Variants in FARP1 observed in about 807,000 individuals in gnomAD.
The protein encoded by FARP1 is FERM, ARHGEF and pleckstrin domain-containing protein 1.
A neutral mutation model predicts 128.8 loss-of-function variants in FARP1; 52 were observed. That is an observed-to-expected ratio of 0.40 (90% CI 0.32 to 0.51). FARP1 has a LOEUF of 0.51. FARP1 is among the 20% of genes least tolerant of loss of function. The pLI is 0.45. For missense variants in FARP1, 1,333 were observed against 1,367.9 expected (o/e 0.97, Z 0.40); for synonymous variants, 580 against 551.8 (o/e 1.05, Z -0.72).
chr13:98,261,966 C>G (rs1378024549), intron 2 of FARP1, among the ~76,000 whole-genome samples: 1 of 152,054 alleles, frequency 6.6e-6, no homozygotes, highest in Non-Finnish European at 1.5e-5. Context: ...TAACTGCCCT[C>G]CTTGTGCTAG....
At chr13:98,364,731 G>T (rs1889012874) in intron 3 of FARP1, among the ~76,000 whole-genome samples, 1 of 152,198 alleles carries the variant, frequency 6.6e-6, no homozygotes, top group African/African-American at 2.4e-5. Flanking sequence ...TCCTTGAAAA[G>T]TTCGCTATCC....
chr13:98,144,505 C>T (rs1379208331), intron 1 of FARP1, among the ~76,000 whole-genome samples: 5 of 152,184 alleles, frequency 3.3e-5, no homozygotes, highest in Non-Finnish European at 5.9e-5. Context: ...GTTGTTAAGG[C>T]TCTTCTCCTT....
chr13:98,330,647 C>T (rs1471042539), intron 2 of FARP1, among the ~76,000 whole-genome samples: 1 of 151,870 alleles, frequency 6.6e-6, no homozygotes, highest in African/African-American at 2.4e-5. Context: ...CCCAGCTACT[C>T]GAGAGGCTGA....
intron 17 of FARP1, 113 bp downstream of exon 17, chr13:98,424,763 C>T (rs1297246376): frequency 6.6e-6 from 5 of 755,612 alleles, no homozygotes; most frequent in Non-Finnish European, 1.2e-5. Flanking sequence ...TGATTTGACT[C>T]TCTACACCAA....
At chr13:98,385,643 T>C in intron 7 of FARP1, 24 bp from the exon 8 acceptor site, 1 of 1,613,764 alleles carries the variant, frequency 6.2e-7, no homozygotes, top group Non-Finnish European at 8.5e-7. Context: ...TCCTGGCCTT[T>C]CTGTTTAATT....
At chr13:98,278,212 TGTGTGTGA>T (rs1247302820) in intron 2 of FARP1, among the ~76,000 whole-genome samples, 2 of 147,762 alleles carry the variant, frequency 1.4e-5, no homozygotes, top group African/African-American at 5.3e-5. Flanking sequence ...GTCTTTGTGT[TGTGTGTGA>T]GTGTATGTGT....
intron 2 of FARP1, among the ~76,000 whole-genome samples, chr13:98,259,491 C>T (rs1183528103): frequency 6.6e-6 from 1 of 152,092 alleles, no homozygotes; most frequent in Non-Finnish European, 1.5e-5. Context: ...TGTGTTGGGC[C>T]TCCCTCAGGC....
At chr13:98,178,765 C>G (rs1329298979) in intron 1 of FARP1, among the ~76,000 whole-genome samples, 2 of 152,184 alleles carry the variant, frequency 1.3e-5, no homozygotes, top group Non-Finnish European at 2.9e-5. Flanking sequence ...CCAAGGCATC[C>G]TCAGCTGTTG....
intron 2 of FARP1, among the ~76,000 whole-genome samples, chr13:98,271,187 C>T (rs73556873): frequency 0.027 from 4,181 of 152,238 alleles, 167 homozygotes; most frequent in African/African-American, 0.09. Flanking sequence ...TTAGACACTA[C>T]GCTAGTTGTT....
chr13:98,402,972 G>A (rs1890832474), intron 13 of FARP1: 1 of 152,068 alleles, frequency 6.6e-6, no homozygotes, highest in Non-Finnish European at 1.5e-5. Context: ...TGTATGCAGT[G>A]TCTTGTCAGC....
rs34010258 is a variant in FARP1 at position 98,278,992 on chromosome 13, A to ATTTT, written c.172-64757_172-64754dup. Reference sequence around the variant, plus strand: ...AGGCACCTGCCACCACGCCCTGCTAATTTTTTTTTTTTTTTTGTATTTTTA... The same window carrying ATTTT: ...AGGCACCTGCCACCACGCCCTGCTAATTTTTTTTTTTTTTTTTTTTGTATTTTTA... On this transcript the variant is annotated intron_variant, in intron 2 of 26. Transcript: ENST00000319562. Among the ~76,000 whole-genome samples, 63 of 137,766 alleles carry ATTTT rather than the reference A, an allele frequency of 4.6e-4. 1 individual carries two copies. The highest frequency in any genetic ancestry group is 1.6e-3 in the African/African-American group (57 of 36,110). 90.4% of individuals were successfully genotyped at this position (137,766 alleles called of 152,430 possible).
At chr13:98,382,712 C>T (rs146768208) in intron 6 of FARP1, among the ~76,000 whole-genome samples, 3,634 of 152,074 alleles carry the variant, frequency 0.024, 102 homozygotes, top group African/African-American at 0.058. Context: ...GGAGGTCAAA[C>T]GAGGCAAAGC....
intron 2 of FARP1, among the ~76,000 whole-genome samples, chr13:98,241,764 C>T (rs146319689): frequency 6.6e-6 from 1 of 152,160 alleles, no homozygotes; most frequent in Admixed American, 6.5e-5. Context: ...ACTAAAAATA[C>T]AAAAATTAGC....
At chr13:98,263,639 A>G (rs909113862) in intron 2 of FARP1, among the ~76,000 whole-genome samples, 6 of 152,232 alleles carry the variant, frequency 3.9e-5, no homozygotes, top group African/African-American at 7.2e-5. Flanking sequence ...CTTTGAAGCA[A>G]TCTCTTCTAA....
intron 2 of FARP1, among the ~76,000 whole-genome samples, chr13:98,274,294 A>G (rs1350245949): frequency 1.3e-5 from 2 of 152,196 alleles, no homozygotes; most frequent in Non-Finnish European, 2.9e-5. Flanking sequence ...GCACAGGGCC[A>G]TGCTTGGTTT....
intron 2 of FARP1, among the ~76,000 whole-genome samples, chr13:98,220,913 T>A (rs887479429): frequency 1.3e-5 from 2 of 152,138 alleles, no homozygotes; most frequent in Non-Finnish European, 2.9e-5. Flanking sequence ...ATTGAGAATG[T>A]CTGAATCTGA....
intron 1 of FARP1, among the ~76,000 whole-genome samples, chr13:98,181,177 T>G (rs1364251453): frequency 1.3e-5 from 2 of 152,196 alleles, no homozygotes; most frequent in Non-Finnish European, 2.9e-5. Flanking sequence ...CCTGCTGGTT[T>G]AGGTCCACAC....
rs138490611 is a variant in FARP1, at chr13:98,155,137, G to A, written c.-24+11645G>A. ...CAAGGTGGGCAGATCACCTGAGGTTGGGAGTTCGAGACCAGCCTGACCAAC... is the reference window on the plus strand; with the variant it reads ...CAAGGTGGGCAGATCACCTGAGGTTAGGAGTTCGAGACCAGCCTGACCAAC... On this transcript the variant is annotated intron_variant, in intron 1 of 26. Transcript: ENST00000319562. 4.4e-3 allele frequency among the ~76,000 whole-genome samples: 673 copies of A among 152,144 alleles called. 2 individuals are homozygous for A. The highest frequency in any genetic ancestry group is 0.01 in the Middle Eastern group (3 of 294).
At chr13:98,421,724 T>C (rs1891601445) in intron 16 of FARP1, among the ~76,000 whole-genome samples, 1 of 152,078 alleles carries the variant, frequency 6.6e-6, no homozygotes. Flanking sequence ...GGGATGATGG[T>C]GCACACCTCT....
Sources: gnomAD v4.1 joint callset for allele counts (sites outside exome capture counted in the v4.1 genomes callset) on GRCh38, gnomAD v4.1.1 for gene constraint, MANE v1.5 for transcripts, NCBI Gene and HGNC (gene_info 2026-07-23, HGNC 2026-07-21) for gene names.